PCDHA6: variants seen among roughly 807,000 people sequenced by gnomAD.
PCDHA6 encodes the protein protocadherin alpha-6.
PCDHA6 carries 55 observed loss-of-function variants against 60.3 expected under a neutral mutation model. The ratio of observed to expected loss-of-function variants is 0.91; its 90% confidence interval spans 0.73 to 1.14. The LOEUF is 1.14. PCDHA6 is among the 50% of genes most tolerant of loss of function. The pLI, the probability that PCDHA6 is intolerant of heterozygous loss-of-function variation, is 0.00. For missense variants in PCDHA6, 1,327 were observed against 1,256.5 expected (o/e 1.06, Z -0.85); for synonymous variants, 652 against 557.9 (o/e 1.17, Z -2.38).
At chr5:140,870,489 C>A in intron 1 of PCDHA6, 1 of 1,614,222 alleles carries the variant, frequency 6.2e-7, no homozygotes, top group South Asian at 1.1e-5. Context: ...ACACCGTGTT[C>A]GTGAAGGAGA....
chr5:140,928,234 C>T lies in PCDHA6; in HGVS notation c.2395-50715C>T, dbSNP rs1319421246. The T allele has an allele frequency of 4.3e-6, 7 of 1,614,096 alleles. No homozygotes were observed. In the African/African-American group the frequency reaches 8.0e-5, roughly 18 times the overall value. On this transcript the variant is annotated intron_variant, in intron 1 of 3. Transcript: ENST00000529310. ...TGACAATACACCAAACTTTCCTCAA[C>T]CCCAGCAGGAACTTTTCGTTGCTGA...
At chr5:140,906,521 C>T (rs529787398) in intron 1 of PCDHA6, among the ~76,000 whole-genome samples, 4 of 152,330 alleles carry the variant, frequency 2.6e-5, no homozygotes, top group African/African-American at 9.6e-5. Flanking sequence ...AGGAAATACT[C>T]ACGACAATTA....
At position 140,858,441 on chromosome 5, in the gene PCDHA6, G is replaced by C. The variant is rs782468673; in HGVS notation, c.2394+27956G>C. 13 of 1,537,092 alleles carry C rather than the reference G, an allele frequency of 8.5e-6. 2 individuals carry two copies. The South Asian group carries it at 1.2e-4, about 14-fold the overall frequency. ...GGAGGGGACCACTCTAGGAAGGTGG[G>C]TTATTACGTTTTCATTTTCCTTTTG... is the stretch of plus-strand genomic sequence containing the variant. On this transcript the variant is annotated intron_variant, in intron 1 of 3. Coordinates refer to ENST00000529310, the MANE Select transcript of PCDHA6 (RefSeq NM_018909.4).
intron 1 of PCDHA6, chr5:140,848,572 T>C: frequency 3.1e-6 from 5 of 1,595,304 alleles, no homozygotes; most frequent in African/African-American, 1.3e-5. Context: ...ATGTGGGTGG[T>C]GGGGAGCGGC....
intron 1 of PCDHA6, chr5:140,968,059 G>A (rs1554230273): frequency 6.2e-7 from 1 of 1,614,106 alleles, no homozygotes; most frequent in South Asian, 1.1e-5. Context: ...ACCGAGAGCG[G>A]GTGGCTGTCT....
chr5:140,836,380 T>C (rs1554135890), intron 1 of PCDHA6: 1 of 1,613,746 alleles, frequency 6.2e-7, no homozygotes. Flanking sequence ...GCCACCGTGC[T>C]GGTGTCGCTG....
intron 1 of PCDHA6, chr5:140,966,544 G>C: frequency 2.1e-6 from 1 of 465,718 alleles, no homozygotes; most frequent in Non-Finnish European, 3.7e-6. Flanking sequence ...GCGACTCGGA[G>C]GCGAGCGGAG....
rs2056928091 is a variant in PCDHA6 at position 140,877,191 on chromosome 5, A to C, written c.2394+46706A>C. 3 of 1,613,798 alleles carry C rather than the reference A, an allele frequency of 1.9e-6. No individual in the cohort carries two copies. The South Asian group carries it at 3.3e-5, about 18-fold the overall frequency. Reference sequence around the variant, plus strand: ...TGCTGGCGACTCCGGCTGGCAGCGCAGGAGGCGCAGTTAGCGAGTTGGTAC... The same window carrying C: ...TGCTGGCGACTCCGGCTGGCAGCGCCGGAGGCGCAGTTAGCGAGTTGGTAC... On this transcript the variant is annotated intron_variant, in intron 1 of 3. Transcript: ENST00000529310.
chr5:141,010,696 C>A lies in PCDHA6; in HGVS notation c.*759C>A. ...AAACAGAAGCAGATCTGATGTGTTT[C>A]CTATACATGTCCTGTGCTCACTTTA... On this transcript the variant is annotated 3_prime_UTR_variant, in exon 4 of 4. Transcript: ENST00000529310. The A allele has an allele frequency of 6.3e-6, 1 of 159,082 alleles. No individual in the cohort carries two copies. The highest frequency in any genetic ancestry group is 1.4e-5 in the Non-Finnish European group (1 of 71,522). 9.9% of individuals were successfully genotyped at this position (159,082 alleles called of 1,614,324 possible).
rs1562356930 is a variant in PCDHA6, at chr5:140,836,340, G to A, written c.2394+5855G>A. ...CCACCGCCTTCTGGTGCTTGTGAAG[G>A]ACCACGGGGAGCCCTCGCTGACAGC... On this transcript the variant is annotated intron_variant, in intron 1 of 3. Transcript: ENST00000529310. 9.3e-6 allele frequency: 15 copies of A among 1,613,706 alleles called. 1 individual carries two copies. Among genetic ancestry groups the A allele is most frequent in the Non-Finnish European group, 1.3e-5 (15 of 1,179,826 alleles).
At chr5:140,835,924 GC>G (rs1243160712) in intron 1 of PCDHA6, 2 of 1,612,294 alleles carry the variant, frequency 1.2e-6, no homozygotes, top group Non-Finnish European at 1.7e-6. Flanking sequence ...CACGCGGAGA[GC>G]GGCAAGGTGT....
rs1554174004 is a variant in PCDHA6, at chr5:140,882,408, G to C, written c.2394+51923G>C. On this transcript the variant is annotated intron_variant, in intron 1 of 3. Coordinates refer to ENST00000529310, the MANE Select transcript of PCDHA6 (RefSeq NM_018909.4). Reference sequence around the variant, plus strand: ...GCAAAACACGGCACCTTCGTGGGCCGCATCGCTCAGGACCTGGGGCTGGAG... The same window carrying C: ...GCAAAACACGGCACCTTCGTGGGCCCCATCGCTCAGGACCTGGGGCTGGAG... The C allele has an allele frequency of 3.1e-6, 5 of 1,614,138 alleles. No homozygotes were observed. The highest frequency in any genetic ancestry group is 3.3e-5 in the Admixed American group (2 of 60,036).
At chr5:140,850,821 C>T in intron 1 of PCDHA6, 1 of 1,598,302 alleles carries the variant, frequency 6.3e-7, no homozygotes, top group Non-Finnish European at 8.6e-7. Flanking sequence ...CAGCCCGGGC[C>T]TTTCTCCTTG....
At chr5:140,948,942 TA>T (rs34363674) in intron 1 of PCDHA6, among the ~76,000 whole-genome samples, 1 of 151,394 alleles carries the variant, frequency 6.6e-6, no homozygotes, top group Admixed American at 6.6e-5. Context: ...TCTTCTAATA[TA>T]AAAAAATTAA....
intron 1 of PCDHA6, chr5:140,863,284 G>A (rs1554158061): frequency 1.4e-6 from 2 of 1,461,880 alleles, no homozygotes; most frequent in Non-Finnish European, 1.9e-6. Flanking sequence ...GGATGTCAAC[G>A]TGTACCTGAT....
In PCDHA6 at chr5:140,830,369, T is replaced by C; in HGVS notation, c.2278T>C (p.Ser760Pro). ...YSQQRRQRVC[S>P]GEGPPKMDLM... Reference sequence around the variant, plus strand: ...GCAGCAGAGGCGGCAGAGGGTGTGCTCCGGGGAGGGCCCACCCAAGATGGA... The same window carrying C: ...GCAGCAGAGGCGGCAGAGGGTGTGCCCCGGGGAGGGCCCACCCAAGATGGA... Residue 760 changes from serine (S) to proline (P), a missense_variant, in exon 1 of 4, where the codon TCC becomes CCC. Coordinates refer to ENST00000529310, the MANE Select transcript of PCDHA6 (RefSeq NM_018909.4). The C allele has an allele frequency of 6.2e-7, 1 of 1,614,088 alleles. No individual in the cohort carries two copies. Among genetic ancestry groups the C allele is most frequent in the African/African-American group, 1.3e-5 (1 of 75,044 alleles).
At chr5:140,963,989 T>C (rs2095803669) in intron 1 of PCDHA6, among the ~76,000 whole-genome samples, 1 of 152,202 alleles carries the variant, frequency 6.6e-6, no homozygotes, top group Non-Finnish European at 1.5e-5. Flanking sequence ...ATATTCCTAA[T>C]TACTGTGTTC....
chr5:140,882,935 ACTGGCACAGTTCAG>A (rs2153388631), intron 1 of PCDHA6: 1 of 1,614,238 alleles, frequency 6.2e-7, no homozygotes, highest in East Asian at 2.2e-5. Flanking sequence ...ACCCGAGCTG[ACTGGCACAGTTCAG>A]CTGCTCATCA....
chr5:140,999,527 C>T (rs578180518), intron 3 of PCDHA6, among the ~76,000 whole-genome samples: 27 of 152,206 alleles, frequency 1.8e-4, no homozygotes, highest in African/African-American at 5.8e-4. Flanking sequence ...TTGTTACCCC[C>T]TGGATATGAC....
Sources: allele counts gnomAD v4.1 joint callset (sites outside exome capture counted in the v4.1 genomes callset), GRCh38; gene constraint gnomAD v4.1.1; transcripts MANE v1.5; gene names NCBI Gene and HGNC (gene_info 2026-07-23, HGNC 2026-07-21).